Variants in ADAM9 observed in about 807,000 individuals in gnomAD.
ADAM9 encodes the protein disintegrin and metalloproteinase domain-containing protein 9.
In ADAM9, 54 loss-of-function variants were observed where a neutral mutation model predicts 108.1. That is an observed-to-expected ratio of 0.50 (90% CI 0.40 to 0.63). The LOEUF (loss-of-function observed/expected upper bound fraction) is 0.63. ADAM9 is among the 20% of genes least tolerant of loss of function. ADAM9 has a pLI of 0.00. For synonymous variants in ADAM9, 316 were observed against 336.0 expected, an observed-to-expected ratio of 0.94 and a Z score of 0.65; for missense variants, 830 against 997.7, an observed-to-expected ratio of 0.83 and a Z score of 2.26.
intron 11 of ADAM9, among the ~76,000 whole-genome samples, chr8:39,036,316 A>C (rs969789175): frequency 1.3e-5 from 2 of 152,100 alleles, no homozygotes; most frequent in Admixed American, 1.3e-4. Context: ...TTCCATAATC[A>C]GGTGTTTTTT....
intron 9 of ADAM9, among the ~76,000 whole-genome samples, chr8:39,024,022 A>G (rs910554383): frequency 6.6e-6 from 1 of 152,062 alleles, no homozygotes; most frequent in Admixed American, 6.6e-5. Context: ...CTGGGATTAT[A>G]GGCGTGACAC....
At chr8:39,014,506 C>T (rs1023590318) in intron 4 of ADAM9, 1 of 699,890 alleles carries the variant, frequency 1.4e-6, no homozygotes, top group Non-Finnish European at 2.6e-6. Flanking sequence ...GTGGTCCTCT[C>T]TGCATCAGAG....
At position 39,080,366 on chromosome 8, in the gene ADAM9, C is replaced by T. The variant is rs550124654; in HGVS notation, c.1882-2275C>T. Among the ~76,000 whole-genome samples, 6 of 151,996 alleles carry T rather than the reference C, an allele frequency of 3.9e-5. 1 individual carries two copies. The highest frequency in any genetic ancestry group is 8.8e-5 in the Non-Finnish European group (6 of 68,000). On this transcript the variant is annotated intron_variant, in intron 16 of 21. Coordinates refer to ENST00000487273, the MANE Select transcript of ADAM9 (RefSeq NM_003816.3). ...AACATATATCAATGTATTTTTAAGA[C>T]CTTTTGTCTTTCTGGATTTTATTGC...
intron 21 of ADAM9, among the ~76,000 whole-genome samples, chr8:39,102,582 T>TAAGA (rs1839733646): frequency 1.3e-5 from 2 of 152,148 alleles, no homozygotes; most frequent in African/African-American, 4.8e-5. Flanking sequence ...TTTCTACAAT[T>TAAGA]TCTTATGTTT....
intron 11 of ADAM9, 34 bp downstream of exon 11, chr8:39,026,844 G>T (rs372438439): frequency 6.2e-7 from 1 of 1,612,098 alleles, no homozygotes. Context: ...CCTTTATTTG[G>T]TATTGTAGAT....
intron 15 of ADAM9, 92 bp from the exon 16 acceptor site, chr8:39,077,136 G>C: frequency 1.5e-6 from 2 of 1,372,290 alleles, no homozygotes; most frequent in Non-Finnish European, 2.1e-6. Context: ...CTCCATAGCA[G>C]CAAACTCTGT....
At chr8:39,084,385 T>A (rs1839118466) in intron 18 of ADAM9, among the ~76,000 whole-genome samples, 2 of 151,846 alleles carry the variant, frequency 1.3e-5, no homozygotes, top group South Asian at 4.1e-4. Flanking sequence ...TTTCCTTTAA[T>A]TCAGAAATTT....
chr8:39,052,061 T>C (rs1013296922), intron 12 of ADAM9, among the ~76,000 whole-genome samples: 2 of 152,202 alleles, frequency 1.3e-5, no homozygotes, highest in African/African-American at 2.4e-5. Context: ...TTTTAACTTA[T>C]ATCAGAAGCT....
At chr8:39,034,223 T>C (rs1414990886) in intron 11 of ADAM9, among the ~76,000 whole-genome samples, 1 of 152,214 alleles carries the variant, frequency 6.6e-6, no homozygotes, top group Admixed American at 6.5e-5. Context: ...ATACTGTTTT[T>C]CTTCTAGACA....
At chr8:39,030,527 T>G (rs562982329) in intron 11 of ADAM9, among the ~76,000 whole-genome samples, 1 of 152,356 alleles carries the variant, frequency 6.6e-6, no homozygotes, top group South Asian at 2.1e-4. Context: ...CTTCTAAGCT[T>G]TGGCAATTAT....
At chr8:39,036,921 A>T (rs1378984690) in intron 11 of ADAM9, among the ~76,000 whole-genome samples, 6 of 150,186 alleles carry the variant, frequency 4.0e-5, no homozygotes, top group Admixed American at 2.7e-4. Flanking sequence ...AACATTGTTT[A>T]TAAGAAAATA....
At chr8:39,050,830 GTTTTTTTTTTTTT>G (rs58115667) in intron 12 of ADAM9, among the ~76,000 whole-genome samples, 4 of 85,190 alleles carry the variant, frequency 4.7e-5, no homozygotes, top group African/African-American at 1.9e-4. Flanking sequence ...GCTTGGAAGT[GTTTTTTTTTTTTT>G]TTTTTTTTTT....
Position 39,045,262 on chromosome 8 carries a change from A to G in ADAM9, c.1302+3145A>G, listed in dbSNP as rs138392596. On this transcript the variant is annotated intron_variant, in intron 12 of 21. Coordinates refer to ENST00000487273, the MANE Select transcript of ADAM9 (RefSeq NM_003816.3). Reference sequence around the variant, plus strand: ...TGTATACATACATATATGTGTATATATGTGTATACATACATATGTATATGT... The same window carrying G: ...TGTATACATACATATATGTGTATATGTGTGTATACATACATATGTATATGT... Among the ~76,000 whole-genome samples the G allele has an allele frequency of 7.8e-4, 111 of 142,314 alleles. 2 individuals are homozygous for G. The highest frequency in any genetic ancestry group is 1.3e-3 in the African/African-American group (49 of 38,228). 93.4% of individuals were successfully genotyped at this position (142,314 alleles called of 152,430 possible). A position where few individuals can be genotyped will look rare whatever the true frequency, so the allele number is the denominator to read the frequency against.
intron 18 of ADAM9, among the ~76,000 whole-genome samples, chr8:39,086,163 TG>T (rs35455318): frequency 0.085 from 12,968 of 152,012 alleles, 861 homozygotes; most frequent in African/African-American, 0.19. Flanking sequence ...TACAGGCGTG[TG>T]CCACCACGCC....
intron 14 of ADAM9, among the ~76,000 whole-genome samples, chr8:39,063,745 A>G (rs1838368258): frequency 6.6e-6 from 1 of 152,144 alleles, no homozygotes; most frequent in African/African-American, 2.4e-5. Context: ...AAGAAAAGAA[A>G]GAGTTTAGAG....
intron 16 of ADAM9, among the ~76,000 whole-genome samples, chr8:39,081,769 AT>A (rs1839031953): frequency 6.6e-6 from 1 of 152,122 alleles, no homozygotes; most frequent in Non-Finnish European, 1.5e-5. Context: ...ATTGTTCTTT[AT>A]TTCATTTGAG....
intron 14 of ADAM9, among the ~76,000 whole-genome samples, chr8:39,058,021 A>G (rs1361126049): frequency 6.6e-6 from 1 of 152,204 alleles, no homozygotes; most frequent in Non-Finnish European, 1.5e-5. Context: ...AGCATGATAT[A>G]ATAACACTAT....
chr8:39,071,132 G>A (rs7005887), intron 14 of ADAM9, among the ~76,000 whole-genome samples, 166 bp from the exon 15 acceptor site: 1 of 152,156 alleles, frequency 6.6e-6, no homozygotes, highest in East Asian at 1.9e-4. Flanking sequence ...CATATGAAAT[G>A]TGGAACAAAA....
chr8:39,050,370 C>T (rs1325091806), intron 12 of ADAM9, among the ~76,000 whole-genome samples: 2 of 151,936 alleles, frequency 1.3e-5, no homozygotes, highest in Non-Finnish European at 2.9e-5. Flanking sequence ...TCTTAGTCTG[C>T]TCCTTGTGGG....
Sources: gnomAD v4.1 joint callset for allele counts (sites outside exome capture counted in the v4.1 genomes callset) on GRCh38, gnomAD v4.1.1 for gene constraint, MANE v1.5 for transcripts, NCBI Gene and HGNC (gene_info 2026-07-23, HGNC 2026-07-21) for gene names.